Variants in UGT1A5 observed in about 807,000 individuals in gnomAD.
UGT1A5 encodes the protein UDP glucuronosyltransferase family 1 member A5, also known as UDP-glucuronosyltransferase 1A5.
A neutral mutation model predicts 40.3 loss-of-function variants in UGT1A5; 29 were observed. That is an observed-to-expected ratio of 0.72 (90% CI 0.54 to 0.98). UGT1A5 has a LOEUF of 0.98. Ranked by LOEUF, UGT1A5 falls within the 50% of genes least tolerant of loss-of-function variation. The probability of loss-of-function intolerance (pLI) is 0.00; values close to 1 mark genes in which losing one functional copy is unlikely to be tolerated. For missense variants in UGT1A5, 678 were observed against 677.9 expected (o/e 1.00, Z 0.00); for synonymous variants, 257 against 262.5 (o/e 0.98, Z 0.20).
intron 1 of UGT1A5, chr2:233,719,778 T>C (rs2076804234): frequency 1.2e-6 from 2 of 1,611,190 alleles, no homozygotes; most frequent in African/African-American, 2.7e-5. Context: ...TATCTACTTA[T>C]CTTTCCAAAG....
intron 1 of UGT1A5, among the ~76,000 whole-genome samples, chr2:233,746,350 C>T (rs1287151444): frequency 6.6e-6 from 1 of 151,744 alleles, no homozygotes; most frequent in Non-Finnish European, 1.5e-5. Flanking sequence ...GTTTATGTTG[C>T]TCCTTTAGTA....
Position 233,767,908 on chromosome 2 carries a change from T to G in UGT1A5, c.1059T>G (p.Val353=). 6.2e-7 allele frequency: 1 copy of G among 1,614,222 alleles called. No homozygotes were observed. The highest frequency in any genetic ancestry group is 8.5e-7 in the Non-Finnish European group (1 of 1,180,050). ...PSNLANNTIL[V]KWLPQNDLLG... is the part of the protein sequence containing the mutation. ...ATCTTGCGAACAACACGATACTTGTTAAGTGGCTACCCCAAAACGATCTGC... is the reference window on the plus strand; with the variant it reads ...ATCTTGCGAACAACACGATACTTGTGAAGTGGCTACCCCAAAACGATCTGC... The change falls in exon 3 of 5, where the codon GTT becomes GTG. Residue 353 remains valine (V), a synonymous_variant. Transcript: ENST00000373414.
At chr2:233,716,482 AG>A (rs1254204118) in intron 1 of UGT1A5, among the ~76,000 whole-genome samples, 1 of 152,104 alleles carries the variant, frequency 6.6e-6, no homozygotes, top group East Asian at 1.9e-4. Flanking sequence ...TGTCCTCCGT[AG>A]TCTTCTATTC....
At chr2:233,748,117 C>G in intron 1 of UGT1A5, 1 of 1,611,604 alleles carries the variant, frequency 6.2e-7, no homozygotes, top group Non-Finnish European at 8.5e-7. Context: ...ATGTTCCAGG[C>G]AAAACAGTTT....
chr2:233,755,145 G>C, intron 1 of UGT1A5: 1 of 1,302,778 alleles, frequency 7.7e-7, no homozygotes, highest in Non-Finnish European at 1.0e-6. Context: ...TCTTCTCACC[G>C]CTTCCTCCCT....
intron 1 of UGT1A5, among the ~76,000 whole-genome samples, chr2:233,721,307 T>C (rs1157154346): frequency 1.3e-5 from 2 of 152,202 alleles, no homozygotes; most frequent in Non-Finnish European, 2.9e-5. Flanking sequence ...GAATAGTGAT[T>C]GTGGCTCTTT....
chr2:233,746,051 G>T (rs1270238597), intron 1 of UGT1A5, among the ~76,000 whole-genome samples: 3 of 151,680 alleles, frequency 2.0e-5, no homozygotes, highest in Non-Finnish European at 2.9e-5. Flanking sequence ...TGGATGCAGG[G>T]TCTAGAACGA....
In UGT1A5 at chr2:233,718,993, C is replaced by A. The variant is rs141408391; in HGVS notation, c.867+5135C>A. 181 of 1,614,090 alleles carry A rather than the reference C, an allele frequency of 1.1e-4. 1 individual carries two copies. Among genetic ancestry groups the A allele is most frequent in the Non-Finnish European group, 1.5e-4 (178 of 1,180,054 alleles). On this transcript the variant is annotated intron_variant, in intron 1 of 4. Transcript: ENST00000373414. ...GAGCTCCATGCCAGAGGCCACCAGGCGGTGGTCCTCACCCCAGAGGTGAAT... is the reference window on the plus strand; with the variant it reads ...GAGCTCCATGCCAGAGGCCACCAGGAGGTGGTCCTCACCCCAGAGGTGAAT...
intron 1 of UGT1A5, among the ~76,000 whole-genome samples, chr2:233,765,617 G>A (rs988431612): frequency 6.6e-6 from 1 of 151,904 alleles, no homozygotes; most frequent in Non-Finnish European, 1.5e-5. Flanking sequence ...GGGGTGAGGG[G>A]TGAGGGGAGG....
chr2:233,761,695 G>T (rs1292253541), intron 1 of UGT1A5, among the ~76,000 whole-genome samples: 1 of 152,240 alleles, frequency 6.6e-6, no homozygotes, highest in East Asian at 1.9e-4. Flanking sequence ...ATACAGAAAG[G>T]TTGTAGGTTT....
In UGT1A5 at chr2:233,740,456, A is replaced by T. The variant is rs1042251699; in HGVS notation, c.868-26578A>T. ...GAAAGTGGAATCAGAGGAGAAGAAG[A>T]TGATGGACAGAAAGGATCATTCCCT... On this transcript the variant is annotated intron_variant, in intron 1 of 4. Transcript: ENST00000373414. 7.2e-5 allele frequency among the ~76,000 whole-genome samples: 11 copies of T among 151,968 alleles called. 1 individual carries two copies. The highest frequency in any genetic ancestry group is 2.4e-4 in the African/African-American group (10 of 41,218).
chr2:233,729,276 G>C (rs765243640), intron 1 of UGT1A5: 57 of 1,614,114 alleles, frequency 3.5e-5, no homozygotes, highest in African/African-American at 5.3e-5. Flanking sequence ...TCTTGCGGGA[G>C]CTCCATGCCA....
intron 1 of UGT1A5, among the ~76,000 whole-genome samples, chr2:233,761,459 C>T (rs974462920): frequency 3.9e-5 from 6 of 152,156 alleles, no homozygotes; most frequent in African/African-American, 1.4e-4. Context: ...TTTGGGGCAC[C>T]CTGCAGAAAA....
chr2:233,768,231 A>G lies in UGT1A5; in HGVS notation c.1099A>G (p.Thr367Ala). The G allele has an allele frequency of 5.6e-6, 9 of 1,614,162 alleles. No homozygotes were observed. The highest frequency in any genetic ancestry group is 7.6e-6 in the Non-Finnish European group (9 of 1,180,044). Reference sequence around the variant, plus strand: ...ATTTTGCATCTCAGGTCACCCGATGACCCGTGCCTTTATCACCCATGCTGG... The same window carrying G: ...ATTTTGCATCTCAGGTCACCCGATGGCCCGTGCCTTTATCACCCATGCTGG... ...PQNDLLGHPMTRAFITHAGSH... is the reference protein window; with the variant it reads ...PQNDLLGHPMARAFITHAGSH... The change falls in exon 4 of 5, where the codon ACC becomes GCC. Residue 367 changes from threonine (T) to alanine (A), a missense_variant. By Grantham distance (58) the Thr-to-Ala change is moderately conservative. Coordinates refer to ENST00000373414, the MANE Select transcript of UGT1A5 (RefSeq NM_019078.2).
intron 1 of UGT1A5, among the ~76,000 whole-genome samples, chr2:233,762,294 C>T (rs867302636): frequency 2.0e-5 from 3 of 152,346 alleles, no homozygotes; most frequent in Middle Eastern, 3.4e-3. Flanking sequence ...AAGGTGCCAA[C>T]CGAGGTCTAG....
intron 1 of UGT1A5, among the ~76,000 whole-genome samples, chr2:233,732,611 G>A (rs570664429): frequency 1.3e-5 from 2 of 152,306 alleles, no homozygotes; most frequent in East Asian, 3.9e-4. Flanking sequence ...AGATCAAATG[G>A]TTGTAGATGT....
At chr2:233,730,331 T>C (rs1430644008) in intron 1 of UGT1A5, among the ~76,000 whole-genome samples, 1 of 152,142 alleles carries the variant, frequency 6.6e-6, no homozygotes, top group African/African-American at 2.4e-5. Flanking sequence ...GACACTACGT[T>C]TGGAACTGAT....
At chr2:233,716,222 T>A (rs1452528556) in intron 1 of UGT1A5, among the ~76,000 whole-genome samples, 4 of 152,232 alleles carry the variant, frequency 2.6e-5, no homozygotes, top group African/African-American at 7.2e-5. Context: ...CAAGAGCCCT[T>A]GTGATTACAT....
chr2:233,725,634 A>G (rs2077463990), intron 1 of UGT1A5, among the ~76,000 whole-genome samples: 1 of 152,208 alleles, frequency 6.6e-6, no homozygotes, highest in Non-Finnish European at 1.5e-5. Flanking sequence ...TCTAGCATAT[A>G]TCTGACATTT....
Sources: gnomAD v4.1 joint callset for allele counts (sites outside exome capture counted in the v4.1 genomes callset) on GRCh38, gnomAD v4.1.1 for gene constraint, MANE v1.5 for transcripts, NCBI Gene and HGNC (gene_info 2026-07-23, HGNC 2026-07-21) for gene names.